Variants in NFS1 observed in about 807,000 individuals in gnomAD.
The protein encoded by NFS1 is NFS1 cysteine desulfurase.
Under a neutral mutation model 57.3 loss-of-function variants are expected in NFS1, and 26 were observed. The ratio of observed to expected loss-of-function variants is 0.45; its 90% CI spans 0.33 to 0.63. NFS1 has a LOEUF of 0.63. Ranked by LOEUF, NFS1 falls within the 20% of genes least tolerant of loss-of-function variation. NFS1 has a pLI of 0.02. For synonymous variants in NFS1, 209 were observed against 216.3 expected (o/e 0.97, Z 0.30); for missense variants, 505 against 605.8 (o/e 0.83, Z 1.75).
At chr20:35,695,346 C>G (rs188080553) in intron 4 of NFS1, among the ~76,000 whole-genome samples, 132 of 152,270 alleles carry the variant, frequency 8.7e-4, no homozygotes, top group African/African-American at 3.0e-3. Flanking sequence ...CCAACACTGG[C>G]AGCACAGTTC....
rs1355155304 is a variant in NFS1, at chr20:35,673,532, A to G, written c.1220+69T>C. ...AAAAACTTCAGGGTGGAAAAAGAAA[A>G]AAACTGTAACAGGAGATGAAAAATA... On this transcript the variant is annotated intron_variant, in intron 11 of 12. Transcript: ENST00000374092. 5 of 1,392,218 alleles carry G rather than the reference A, an allele frequency of 3.6e-6. No homozygotes were observed. In the East Asian group the frequency reaches 1.2e-4, roughly 32 times the overall value. The allele number at this position is 1,392,218 out of a possible 1,614,324, so 86.2% of individuals were successfully genotyped here.
At position 35,675,171 on chromosome 20, in the gene NFS1, G is replaced by A. The variant is rs772010519; in HGVS notation, c.822C>T (p.Pro274=). Residue 274 remains proline (P), a synonymous_variant, in exon 8 of 13, where the codon CCC becomes CCT. Coordinates refer to ENST00000374092, the MANE Select transcript of NFS1 (RefSeq NM_021100.5). ...TCTGCAGGGCCTCCACACGCACACG[G>A]GGCCGGCGACGGATGTAGATGGCAC... is the stretch of plus-strand genomic sequence containing the variant. ...GVGAIYIRRR[P]RVRVEALQSG... The A allele has an allele frequency of 1.3e-5, 21 of 1,613,532 alleles. No homozygotes were observed. In the Admixed American group the frequency reaches 3.0e-4, roughly 23 times the overall value.
intron 6 of NFS1, 136 bp downstream of exon 6, chr20:35,681,752 C>T: frequency 3.8e-6 from 2 of 525,880 alleles, no homozygotes; most frequent in East Asian, 3.0e-5. Flanking sequence ...ATGACACTTC[C>T]AATGTCCTTG....
intron 5 of NFS1, among the ~76,000 whole-genome samples, chr20:35,686,427 C>T (rs560961012): frequency 6.6e-6 from 1 of 150,986 alleles, no homozygotes; most frequent in South Asian, 2.1e-4. Flanking sequence ...TGAAAATGTC[C>T]TGGAATATGA....
rs543528011 is a variant in NFS1, at chr20:35,679,224, G to A, written c.790+1513C>T. Among the ~76,000 whole-genome samples the A allele has an allele frequency of 6.6e-5, 10 of 152,202 alleles. No individual in the cohort carries two copies. In the East Asian group the frequency reaches 9.7e-4, roughly 15 times the overall value. ...TTTTTTGTTTTTGAGAGGGAGTCTC[G>A]CCTGTCGCCCAGGCAGTGGTGTGAT... On this transcript the variant is annotated intron_variant, in intron 7 of 12. Transcript: ENST00000374092.
intron 4 of NFS1, among the ~76,000 whole-genome samples, chr20:35,692,575 G>GTAC (rs2035063650): frequency 6.8e-6 from 1 of 148,088 alleles, no homozygotes; most frequent in African/African-American, 2.5e-5. Context: ...TGGCGTGGTG[G>GTAC]TACACATCTG....
At position 35,669,153 on chromosome 20, in the gene NFS1, T is replaced by C. The variant is rs181949135; in HGVS notation, c.*469A>G. Reference sequence around the variant, plus strand: ...GTCCATTCAGTCTGTCTGCAGTCAATATGAAGAGATAGCCTTTGGAGCTAC... The same window carrying C: ...GTCCATTCAGTCTGTCTGCAGTCAACATGAAGAGATAGCCTTTGGAGCTAC... On this transcript the variant is annotated 3_prime_UTR_variant, in exon 13 of 13. Transcript: ENST00000374092. 6.5e-6 allele frequency: 1 copy of C among 153,606 alleles called. No homozygotes were observed. The highest frequency in any genetic ancestry group is 2.4e-5 in the African/African-American group (1 of 41,564). The allele number at this position is 153,606 out of a possible 1,614,324, so 9.5% of individuals were successfully genotyped here. A position where few individuals can be genotyped will look rare whatever the true frequency, so the allele number is the denominator to read the frequency against.
chr20:35,698,565 C>G lies in NFS1; in HGVS notation c.123G>C (p.Ala41=). The change falls in exon 2 of 13, where the codon GCG becomes GCC. Residue 41 remains alanine, a synonymous_variant. Transcript: ENST00000374092. The stretch of plus-strand genomic sequence containing the variant: ...GGGCAGCGGCTGTATCTGCGGGAAC[C>G]GCAGACTGAGGAGCACGGTCTCCAA... The part of the protein sequence containing the change: ...LRVGDRAPQS[A]VPADTAAAPE... The G allele has an allele frequency of 6.2e-7, 1 of 1,613,356 alleles. No individual in the cohort carries two copies. Among genetic ancestry groups the G allele is most frequent in the Non-Finnish European group, 8.5e-7 (1 of 1,179,806 alleles).
At chr20:35,683,269 G>C (rs2034881842) in intron 5 of NFS1, among the ~76,000 whole-genome samples, 1 of 151,812 alleles carries the variant, frequency 6.6e-6, no homozygotes, top group Non-Finnish European at 1.5e-5. Flanking sequence ...GGATCAGAAG[G>C]TCAGAAGTTC....
intron 12 of NFS1, 131 bp from the exon 13 acceptor site, chr20:35,669,816 C>G (rs1212191390): frequency 1.3e-6 from 1 of 787,090 alleles, no homozygotes; most frequent in Admixed American, 2.1e-5. Flanking sequence ...CCTGGTAGAC[C>G]CTAACACAGG....
chr20:35,692,258 C>T (rs981265071), intron 4 of NFS1: 40 of 271,382 alleles, frequency 1.5e-4, no homozygotes, highest in Admixed American at 6.2e-4. Context: ...CCTGTAATCC[C>T]GGCTACTCAG....
rs1307023975 is a variant in NFS1, at chr20:35,688,858, AT to A, written c.561+1554del. Reference sequence around the variant, plus strand: ...GGAAAAGTATAATTCCAGAGACATTATAAGGAAATGGCCATAGATATAAATG... The same window carrying A: ...GGAAAAGTATAATTCCAGAGACATTAAAGGAAATGGCCATAGATATAAATG... On this transcript the variant is annotated intron_variant, in intron 5 of 12. Coordinates refer to ENST00000374092, the MANE Select transcript of NFS1 (RefSeq NM_021100.5). Among the ~76,000 whole-genome samples, 3 of 152,286 alleles carry A rather than the reference AT, an allele frequency of 2.0e-5. No individual in the cohort carries two copies. In the East Asian group the frequency reaches 5.8e-4, roughly 29 times the overall value.
chr20:35,687,601 G>A (rs1454154221), intron 5 of NFS1, among the ~76,000 whole-genome samples: 6 of 152,124 alleles, frequency 3.9e-5, no homozygotes, highest in Admixed American at 2.6e-4. Flanking sequence ...ACCAGTCTCC[G>A]TGCCTTGGTG....
chr20:35,669,559 G>T lies in NFS1; in HGVS notation c.*63C>A. 1 of 1,455,486 alleles carries T rather than the reference G, an allele frequency of 6.9e-7. No individual in the cohort carries two copies. The highest frequency in any genetic ancestry group is 1.1e-5 in the South Asian group (1 of 87,602). The allele number at this position is 1,455,486 out of a possible 1,614,324, so 90.2% of individuals were successfully genotyped here. A position where few individuals can be genotyped will look rare whatever the true frequency, so the allele number is the denominator to read the frequency against. On this transcript the variant is annotated 3_prime_UTR_variant, in exon 13 of 13. Transcript: ENST00000374092. ...ATCCACTAGGTGTAACAAGGTGTCT[G>T]GTTGTGCACGGGTTGGTGAGGCAGG...
At chr20:35,688,421 G>A (rs1313782358) in intron 5 of NFS1, among the ~76,000 whole-genome samples, 6 of 152,062 alleles carry the variant, frequency 3.9e-5, no homozygotes, top group African/African-American at 1.4e-4. Flanking sequence ...TCTGGGTGTG[G>A]TGGTGTATGC....
At chr20:35,698,769 G>C (rs2035188483) in intron 1 of NFS1, 179 bp from the exon 2 acceptor site, 14 of 1,405,714 alleles carry the variant, frequency 1.0e-5, no homozygotes, top group Non-Finnish European at 1.3e-5. Flanking sequence ...AAGGAGGTAA[G>C]GGAGAGGGAG....
At chr20:35,676,785 A>AC (rs367685400) in intron 7 of NFS1, among the ~76,000 whole-genome samples, 5 of 113,040 alleles carry the variant, frequency 4.4e-5, no homozygotes, top group Non-Finnish European at 7.2e-5. Context: ...AAAAAAAAAA[A>AC]CCAAGAAAGA....
chr20:35,674,718 G>T, intron 8 of NFS1, 101 bp from the exon 9 acceptor site: 1 of 905,470 alleles, frequency 1.1e-6, no homozygotes. Flanking sequence ...CTATGTATCA[G>T]CCCCACCTAT....
At chr20:35,693,521 T>G (rs531634621) in intron 4 of NFS1, among the ~76,000 whole-genome samples, 1 of 152,106 alleles carries the variant, frequency 6.6e-6, no homozygotes, top group African/African-American at 2.4e-5. Flanking sequence ...TATAAAAGAC[T>G]ATTACCTTTA....
Sources: gnomAD v4.1 joint callset for allele counts (sites outside exome capture counted in the v4.1 genomes callset) on GRCh38, gnomAD v4.1.1 for gene constraint, MANE v1.5 for transcripts, NCBI Gene and HGNC (gene_info 2026-07-23, HGNC 2026-07-21) for gene names.